The following STAG1 variants were observed in gnomAD, a reference collection of about 807,000 sequenced individuals.
The protein encoded by STAG1 is cohesin subunit SA-1.
Under a neutral mutation model 170.9 loss-of-function variants are expected in STAG1, and 26 were observed. That is an observed-to-expected ratio of 0.15 (90% CI 0.11 to 0.21). STAG1 has a LOEUF of 0.21. STAG1 is among the 10% of genes least tolerant of loss of function. The probability of loss-of-function intolerance (pLI) is 1.00; values close to 1 mark genes in which losing one functional copy is unlikely to be tolerated. For synonymous variants in STAG1, 514 were observed against 497.7 expected (o/e 1.03, Z -0.44); for missense variants, 964 against 1,509.5 (o/e 0.64, Z 5.99).
At chr3:136,624,831 G>A (rs192072859) in intron 2 of STAG1, among the ~76,000 whole-genome samples, 95 of 152,288 alleles carry the variant, frequency 6.2e-4, no homozygotes, top group African/African-American at 2.2e-3. Flanking sequence ...GTGACAAACA[G>A]TAGTACAGCA....
At position 136,398,729 on chromosome 3, in the gene STAG1, C is replaced by A; in HGVS notation, c.2277+20G>T. 6.5e-7 allele frequency: 1 copy of A among 1,540,318 alleles called. No individual in the cohort carries two copies. The highest frequency in any genetic ancestry group is 1.2e-5 in the South Asian group (1 of 84,110). On this transcript the variant is annotated intron_variant, in intron 22 of 33. Coordinates refer to ENST00000383202, the MANE Select transcript of STAG1 (RefSeq NM_005862.3). ...ATTATTTCAGTAATAACCCTTCTGCCTACAGAAACTCTTACTTACTTTGGA... is the reference window on the plus strand; with the variant it reads ...ATTATTTCAGTAATAACCCTTCTGCATACAGAAACTCTTACTTACTTTGGA...
At chr3:136,680,211 A>C (rs1218953235) in intron 1 of STAG1, among the ~76,000 whole-genome samples, 1 of 152,212 alleles carries the variant, frequency 6.6e-6, no homozygotes, top group Non-Finnish European at 1.5e-5. Flanking sequence ...CAGTGAGCCA[A>C]GATCGTGCCA....
At chr3:136,466,276 A>G (rs1164577013) in intron 12 of STAG1, among the ~76,000 whole-genome samples, 4 of 152,224 alleles carry the variant, frequency 2.6e-5, no homozygotes, top group Non-Finnish European at 4.4e-5. Flanking sequence ...ATGAATGGCT[A>G]ACTAGAATAA....
chr3:136,549,843 C>A (rs1281459799), intron 5 of STAG1, among the ~76,000 whole-genome samples: 1 of 152,088 alleles, frequency 6.6e-6, no homozygotes, highest in Non-Finnish European at 1.5e-5. Flanking sequence ...CTATTTTCCT[C>A]TATTCCTAGT....
rs1372671537 is a variant in STAG1, at chr3:136,422,589, T to C, written c.1858A>G (p.Ile620Val). The stretch of plus-strand genomic sequence containing the variant: ...ACGTGTTTCTCCACAACAAACTTAA[T>C]CTGTTTTAATAAAGCATCCAGATGC... Reference protein sequence around the residue: ...EKHLDALLKQIKFVVEKHVES... With the variant: ...EKHLDALLKQVKFVVEKHVES... Residue 620 changes from isoleucine (I) to valine (V), a missense_variant, in exon 19 of 34, where the codon ATT becomes GTT. By Grantham distance (29) the Ile-to-Val change is conservative. Around this residue, in one of 11 missense-constraint regions of STAG1, gnomAD observed 232 missense variants for 313.0 expected, o/e 0.74. Transcript: ENST00000383202. The C allele has an allele frequency of 1.1e-5, 18 of 1,613,858 alleles. No individual in the cohort carries two copies. Among genetic ancestry groups the C allele is most frequent in the Non-Finnish European group, 1.4e-5 (17 of 1,179,974 alleles).
intron 1 of STAG1, among the ~76,000 whole-genome samples, chr3:136,647,442 G>C (rs1474187294): frequency 6.6e-6 from 1 of 152,058 alleles, no homozygotes; most frequent in Non-Finnish European, 1.5e-5. Context: ...GGTAGCGCTA[G>C]CCTGTAATCC....
chr3:136,563,995 C>G (rs1407146521), intron 5 of STAG1, among the ~76,000 whole-genome samples: 1 of 140,708 alleles, frequency 7.1e-6, no homozygotes, highest in Non-Finnish European at 1.5e-5. Context: ...CGCACTCCAG[C>G]CTGGGTGACA....
At chr3:136,395,058 G>C (rs1372453607) in intron 22 of STAG1, among the ~76,000 whole-genome samples, 2 of 151,812 alleles carry the variant, frequency 1.3e-5, no homozygotes, top group African/African-American at 4.8e-5. Flanking sequence ...GCCACAGTGA[G>C]CCGTGACAGT....
intron 15 of STAG1, among the ~76,000 whole-genome samples, chr3:136,439,809 C>A (rs568587135): frequency 4.7e-4 from 71 of 152,272 alleles, no homozygotes; most frequent in Non-Finnish European, 2.8e-4. Flanking sequence ...TCAGACTCTG[C>A]CTACCTAGAT....
At chr3:136,592,848 G>A (rs1938251963) in intron 4 of STAG1, among the ~76,000 whole-genome samples, 1 of 152,210 alleles carries the variant, frequency 6.6e-6, no homozygotes, top group African/African-American at 2.4e-5. Context: ...GCAAAGTCCA[G>A]CAATAACCAC....
intron 7 of STAG1, among the ~76,000 whole-genome samples, chr3:136,504,002 G>A (rs532050685): frequency 6.6e-6 from 1 of 152,226 alleles, no homozygotes; most frequent in Non-Finnish European, 1.5e-5. Context: ...CTCCCAAAGT[G>A]CTGGGATTAC....
chr3:136,509,498 T>A (rs1043940423), intron 7 of STAG1, among the ~76,000 whole-genome samples: 1 of 151,912 alleles, frequency 6.6e-6, no homozygotes, highest in Non-Finnish European at 1.5e-5. Flanking sequence ...GGGGTTTTCC[T>A]ACGGAATATG....
chr3:136,432,898 T>C (rs1290556356), intron 16 of STAG1, among the ~76,000 whole-genome samples: 4 of 152,180 alleles, frequency 2.6e-5, no homozygotes, highest in African/African-American at 9.6e-5. Context: ...ACATGTGTAT[T>C]GGCAAGAAGG....
At chr3:136,514,725 T>C (rs945412555) in intron 7 of STAG1, among the ~76,000 whole-genome samples, 2 of 152,188 alleles carry the variant, frequency 1.3e-5, no homozygotes, top group African/African-American at 2.4e-5. Flanking sequence ...TGGAATACTA[T>C]GCAGCCATAA....
intron 25 of STAG1, among the ~76,000 whole-genome samples, chr3:136,365,187 C>G (rs1456584211): frequency 6.6e-6 from 1 of 152,032 alleles, no homozygotes; most frequent in Admixed American, 6.6e-5. Context: ...TAAAGGATTA[C>G]CAGGAAAAAC....
At chr3:136,585,932 A>C (rs1168465099) in intron 4 of STAG1, among the ~76,000 whole-genome samples, 1 of 152,234 alleles carries the variant, frequency 6.6e-6, no homozygotes, top group Non-Finnish European at 1.5e-5. Flanking sequence ...GAGAAACTGC[A>C]CAGGCATATT....
intron 15 of STAG1, among the ~76,000 whole-genome samples, chr3:136,441,253 A>C (rs755164129): frequency 6.6e-6 from 1 of 152,030 alleles, no homozygotes; most frequent in Non-Finnish European, 1.5e-5. Context: ...GGCTGGTCTC[A>C]AACTCCTGAC....
intron 1 of STAG1, among the ~76,000 whole-genome samples, chr3:136,717,248 C>T (rs1559969193): frequency 6.6e-6 from 1 of 152,110 alleles, no homozygotes; most frequent in Non-Finnish European, 1.5e-5. Context: ...TGGACTGAGG[C>T]TCAAAAAAGC....
At chr3:136,644,386 G>A (rs1340622128) in intron 1 of STAG1, among the ~76,000 whole-genome samples, 1 of 152,148 alleles carries the variant, frequency 6.6e-6, no homozygotes, top group Non-Finnish European at 1.5e-5. Flanking sequence ...GGAGCACCAT[G>A]CCTGCCAGCT....
Sources: allele counts gnomAD v4.1 joint callset (sites outside exome capture counted in the v4.1 genomes callset), GRCh38; gene constraint gnomAD v4.1.1; regional missense constraint gnomAD v4.1.1; transcripts MANE v1.5; gene names NCBI Gene and HGNC (gene_info 2026-07-23, HGNC 2026-07-21).